Variants in STK33 observed in about 807,000 individuals in gnomAD.
The protein encoded by STK33 is serine/threonine-protein kinase 33.
Under a neutral mutation model 58.0 loss-of-function variants are expected in STK33, and 52 were observed. That is an observed-to-expected ratio of 0.90 (90% CI 0.72 to 1.13). The LOEUF (loss-of-function observed/expected upper bound fraction) is 1.13, where lower values mean the gene tolerates loss of function less well. STK33 is among the 50% of genes most tolerant of loss of function. The pLI, the probability that STK33 is intolerant of heterozygous loss-of-function variation, is 0.00. For missense variants in STK33, 630 were observed against 604.2 expected (o/e 1.04, Z -0.45); for synonymous variants, 215 against 200.1 (o/e 1.07, Z -0.63).
chr11:8,523,122 G>A (rs1953644349), intron 1 of STK33, among the ~76,000 whole-genome samples: 1 of 152,216 alleles, frequency 6.6e-6, no homozygotes, highest in Non-Finnish European at 1.5e-5. Flanking sequence ...GGAGGGCAGT[G>A]GCGTGATCTC....
In STK33 at chr11:8,478,008, A is replaced by G. The variant is rs137920778; in HGVS notation, c.-260-725T>C. On this transcript the variant is annotated intron_variant, in intron 2 of 15. Coordinates refer to ENST00000687296, the MANE Select transcript of STK33 (RefSeq NM_001352389.2). Reference sequence around the variant, plus strand: ...GCTGCATGCAAAATTTCTTGACAAGAATTAGATTTCAAATTTAACTTCTTT... The same window carrying G: ...GCTGCATGCAAAATTTCTTGACAAGGATTAGATTTCAAATTTAACTTCTTT... 1.9e-3 allele frequency among the ~76,000 whole-genome samples: 285 copies of G among 152,330 alleles called. 1 individual carries two copies. The highest frequency in any genetic ancestry group is 6.4e-3 in the African/African-American group (267 of 41,578).
chr11:8,590,680 T>C (rs897666571), intron 1 of STK33, among the ~76,000 whole-genome samples: 3 of 136,866 alleles, frequency 2.2e-5, no homozygotes, highest in Admixed American at 7.5e-5. Context: ...TAGTAATTTC[T>C]TATGCACTTA....
At chr11:8,566,849 A>T (rs1346115916) in intron 1 of STK33, among the ~76,000 whole-genome samples, 3 of 152,218 alleles carry the variant, frequency 2.0e-5, no homozygotes, top group African/African-American at 7.2e-5. Context: ...ATACAGTTAT[A>T]ACTGTCGAAC....
Position 8,459,121 on chromosome 11 carries a change from T to G in STK33, c.559-1642A>C, listed in dbSNP as rs539639683. On this transcript the variant is annotated intron_variant, in intron 8 of 15. Transcript: ENST00000687296. ...GATTAGCAGTACTTGAAATATAAAT[T>G]GGTCAATTTTAAATATATAAGTTGG... 1.8e-3 allele frequency among the ~76,000 whole-genome samples: 281 copies of G among 152,302 alleles called. 4 individuals carry two copies. Among genetic ancestry groups the G allele is most frequent in the South Asian group, 0.015 (74 of 4,826 alleles).
At chr11:8,355,934 T>C in the STK33 span, among the ~76,000 whole-genome samples, 15 of 152,312 alleles carry the variant, frequency 9.8e-5, no homozygotes, top group South Asian at 4.1e-4. Flanking sequence ...GGAGTGCTGA[T>C]AGGTCTGTTC....
intron 1 of STK33, among the ~76,000 whole-genome samples, chr11:8,573,770 A>G (rs1957986934): frequency 6.6e-6 from 1 of 152,240 alleles, no homozygotes; most frequent in Non-Finnish European, 1.5e-5. Flanking sequence ...TATGCAACAG[A>G]CTTTGATGAA....
chr11:8,430,841 G>A (rs1008610741), intron 14 of STK33, among the ~76,000 whole-genome samples: 1 of 151,212 alleles, frequency 6.6e-6, no homozygotes, highest in African/African-American at 2.4e-5. Flanking sequence ...CAAGTGTCCT[G>A]GCTCATGAGC....
intron 1 of STK33, among the ~76,000 whole-genome samples, chr11:8,494,087 G>T (rs1950860201): frequency 6.6e-6 from 1 of 152,178 alleles, no homozygotes; most frequent in Admixed American, 6.5e-5. Flanking sequence ...AGTATTGGAA[G>T]TTCTGGCCAG....
At chr11:8,423,298 G>C (rs962625644) in intron 14 of STK33, among the ~76,000 whole-genome samples, 6 of 149,658 alleles carry the variant, frequency 4.0e-5, no homozygotes, top group African/African-American at 1.5e-4. Flanking sequence ...TACTTTATTT[G>C]GTTTTACTCT....
intron 1 of STK33, among the ~76,000 whole-genome samples, chr11:8,490,002 A>T (rs1258365299): frequency 6.6e-6 from 1 of 152,222 alleles, no homozygotes; most frequent in Non-Finnish European, 1.5e-5. Flanking sequence ...ACTGTGATCA[A>T]CGCAGAAGAT....
In STK33 at chr11:8,474,207, C is replaced by T. The variant is rs548017426; in HGVS notation, c.225+474G>A. On this transcript the variant is annotated intron_variant, in intron 5 of 15. Coordinates refer to ENST00000687296, the MANE Select transcript of STK33 (RefSeq NM_001352389.2). ...AAAAAAATGATGAATACATCGAAAT[C>T]AGTACAATTGGGTAGCCATAGATTA... is the stretch of plus-strand genomic sequence containing the variant. Among the ~76,000 whole-genome samples the T allele has an allele frequency of 8.6e-4, 130 of 151,820 alleles. 2 individuals are homozygous for T. Among genetic ancestry groups the T allele is most frequent in the Non-Finnish European group, 3.1e-4 (21 of 67,904 alleles).
At chr11:8,411,650 G>A (rs904973146) in intron 15 of STK33, among the ~76,000 whole-genome samples, 1 of 152,112 alleles carries the variant, frequency 6.6e-6, no homozygotes, top group African/African-American at 2.4e-5. Flanking sequence ...TACTGTTATG[G>A]CATTTATAAC....
chr11:8,542,831 T>G (rs1244499498), intron 1 of STK33, among the ~76,000 whole-genome samples: 2 of 152,116 alleles, frequency 1.3e-5, no homozygotes, highest in Non-Finnish European at 2.9e-5. Context: ...CCACTTAGTC[T>G]CCTGAGTAGC....
intron 1 of STK33, among the ~76,000 whole-genome samples, chr11:8,531,754 A>C (rs138112514): frequency 6.6e-6 from 1 of 152,218 alleles, no homozygotes; most frequent in African/African-American, 2.4e-5. Context: ...CCAGTGGTTG[A>C]AGCAGTCATA....
the STK33 span, among the ~76,000 whole-genome samples, chr11:8,363,459 C>T: frequency 6.6e-6 from 1 of 152,088 alleles, no homozygotes; most frequent in Non-Finnish European, 1.5e-5. Context: ...AGTTAGTACC[C>T]CCACCTCCCC....
intron 1 of STK33, among the ~76,000 whole-genome samples, chr11:8,542,260 A>G (rs570871379): frequency 3.2e-4 from 48 of 152,348 alleles, no homozygotes; most frequent in South Asian, 1.5e-3. Flanking sequence ...CTAGTTCCAC[A>G]TGTCATTACG....
chr11:8,348,863 G>T, the STK33 span, among the ~76,000 whole-genome samples: 1 of 149,460 alleles, frequency 6.7e-6, no homozygotes, highest in Non-Finnish European at 1.5e-5. Flanking sequence ...AAAAGGGTTG[G>T]AGAGCACTTA....
intron 2 of STK33, among the ~76,000 whole-genome samples, chr11:8,479,626 T>C (rs1346019042): frequency 6.6e-6 from 1 of 151,940 alleles, no homozygotes; most frequent in African/African-American, 2.4e-5. Context: ...GCCGATCACT[T>C]GCAGTCAGGA....
chr11:8,414,689 C>A (rs1940855880), intron 14 of STK33, among the ~76,000 whole-genome samples: 1 of 152,106 alleles, frequency 6.6e-6, no homozygotes, highest in Non-Finnish European at 1.5e-5. Flanking sequence ...AAATGAGGAT[C>A]ACTACGCAAT....
Sources: allele counts gnomAD v4.1 joint callset (sites outside exome capture counted in the v4.1 genomes callset), GRCh38; gene constraint gnomAD v4.1.1; transcripts MANE v1.5; gene names NCBI Gene and HGNC (gene_info 2026-07-23, HGNC 2026-07-21).